The following NAALADL2 variants were observed in gnomAD, a reference collection of about 807,000 sequenced individuals.
NAALADL2 encodes the protein N-acetylated alpha-linked acidic dipeptidase like 2.
Under a neutral mutation model 87.2 loss-of-function variants are expected in NAALADL2, and 76 were observed. The observed-to-expected ratio is 0.87, with a 90% CI of 0.72 to 1.05. NAALADL2 has a LOEUF of 1.05. Ranked by LOEUF, NAALADL2 falls within the 50% of genes least tolerant of loss-of-function variation. NAALADL2 has a pLI of 0.00. For missense variants in NAALADL2, 1,089 were observed against 945.8 expected, an observed-to-expected ratio of 1.15 and a Z score of -1.99; for synonymous variants, 354 against 331.0, an observed-to-expected ratio of 1.07 and a Z score of -0.75.
At chr3:175,731,021 C>A (rs976221601) in intron 11 of NAALADL2, among the ~76,000 whole-genome samples, 1 of 152,028 alleles carries the variant, frequency 6.6e-6, no homozygotes, top group African/African-American at 2.4e-5. Flanking sequence ...TTTTTTTCTT[C>A]ACCAGGAAAC....
chr3:174,640,593 T>A (rs1723077139), intron 2 of NAALADL2, among the ~76,000 whole-genome samples: 1 of 152,218 alleles, frequency 6.6e-6, no homozygotes, highest in Non-Finnish European at 1.5e-5. Context: ...GGTAAGGTAC[T>A]TGCCCCAGGG....
At chr3:175,646,853 C>G (rs759046081) in intron 11 of NAALADL2, among the ~76,000 whole-genome samples, 20 of 151,980 alleles carry the variant, frequency 1.3e-4, no homozygotes, top group Non-Finnish European at 1.8e-4. Context: ...ATATCTTTAT[C>G]CAGCCGAGTG....
At chr3:175,325,635 T>C (rs1760615660) in intron 5 of NAALADL2, among the ~76,000 whole-genome samples, 1 of 152,178 alleles carries the variant, frequency 6.6e-6, no homozygotes, top group Admixed American at 6.5e-5. Context: ...TGCTCTAACC[T>C]AAGTTGGTAA....
chr3:174,540,309 G>A (rs1357000798), intron 1 of NAALADL2, among the ~76,000 whole-genome samples: 1 of 152,188 alleles, frequency 6.6e-6, no homozygotes, highest in Non-Finnish European at 1.5e-5. Context: ...GTAACTGTAT[G>A]CAGCAGAGAC....
intron 2 of NAALADL2, among the ~76,000 whole-genome samples, chr3:175,148,789 C>G (rs1171745336): frequency 6.6e-6 from 1 of 151,976 alleles, no homozygotes; most frequent in Non-Finnish European, 1.5e-5. Context: ...GTATTTGGTT[C>G]CATTGGTCTA....
intron 2 of NAALADL2, among the ~76,000 whole-genome samples, chr3:174,611,150 C>A (rs950519412): frequency 8.4e-6 from 1 of 119,296 alleles, no homozygotes; most frequent in Non-Finnish European, 1.6e-5. Flanking sequence ...GAACATCATA[C>A]TCTGGGGACT....
chr3:174,942,844 C>T (rs148673185), intron 1 of NAALADL2, among the ~76,000 whole-genome samples: 1,825 of 152,222 alleles, frequency 0.012, 40 homozygotes, highest in African/African-American at 0.042. Context: ...CTTGTGATTG[C>T]ATTGTGAAAT....
At chr3:174,950,912 A>T (rs1209258139) in intron 1 of NAALADL2, among the ~76,000 whole-genome samples, 1 of 152,076 alleles carries the variant, frequency 6.6e-6, no homozygotes, top group East Asian at 1.9e-4. Context: ...CTCTTTATTC[A>T]TCTATGTATC....
At chr3:174,850,702 A>G (rs909768464) in intron 3 of NAALADL2, among the ~76,000 whole-genome samples, 2 of 152,164 alleles carry the variant, frequency 1.3e-5, no homozygotes, top group South Asian at 2.1e-4. Flanking sequence ...AGCACTGGAC[A>G]TATCACCCAG....
At chr3:175,567,379 A>AT (rs146216483) in intron 9 of NAALADL2, among the ~76,000 whole-genome samples, 17,139 of 149,986 alleles carry the variant, frequency 0.11, 1,155 homozygotes, top group Middle Eastern at 0.18. Flanking sequence ...GTATTTCTCT[A>AT]TTTTTTTTTT....
intron 2 of NAALADL2, among the ~76,000 whole-genome samples, chr3:175,140,957 C>A (rs1729903510): frequency 6.6e-6 from 1 of 152,046 alleles, no homozygotes; most frequent in African/African-American, 2.4e-5. Flanking sequence ...AGGTAGATTT[C>A]CACAGAGTGG....
At chr3:175,621,190 C>A (rs1299433829) in intron 10 of NAALADL2, among the ~76,000 whole-genome samples, 1 of 152,110 alleles carries the variant, frequency 6.6e-6, no homozygotes, top group African/African-American at 2.4e-5. Context: ...CACTGGGGAC[C>A]CGTTCCTGTC....
intron 9 of NAALADL2, among the ~76,000 whole-genome samples, chr3:175,494,936 G>A (rs886253446): frequency 6.6e-6 from 1 of 151,404 alleles, no homozygotes; most frequent in African/African-American, 2.4e-5. Context: ...TTCAAGATTT[G>A]CAGTATTTTC....
intron 5 of NAALADL2, among the ~76,000 whole-genome samples, chr3:175,366,793 C>T (rs1765647769): frequency 6.6e-6 from 1 of 151,492 alleles, no homozygotes; most frequent in Non-Finnish European, 1.5e-5. Flanking sequence ...CGAAAATTTT[C>T]TCCCATTTTG....
intron 1 of NAALADL2, among the ~76,000 whole-genome samples, chr3:175,007,983 T>A (rs1006908191): frequency 6.6e-6 from 1 of 152,116 alleles, no homozygotes; most frequent in African/African-American, 2.4e-5. Context: ...ATATACAATG[T>A]AGATACATTG....
chr3:175,729,054 G>A (rs1163858997), intron 11 of NAALADL2, among the ~76,000 whole-genome samples: 2 of 152,066 alleles, frequency 1.3e-5, no homozygotes, highest in Non-Finnish European at 2.9e-5. Flanking sequence ...GTATGGTGTC[G>A]TTATGTGGTT....
At chr3:175,755,537 TACTCATTTGAGGAACTTCCC>T in intron 13 of NAALADL2, 119 bp downstream of exon 13, 1 of 680,604 alleles carries the variant, frequency 1.5e-6, no homozygotes, top group Non-Finnish European at 2.2e-6. Flanking sequence ...ATAAAGCAGT[TACTCATTTGAGGAACTTCCC>T]CCTCCCCCAA....
chr3:174,841,181 T>C (rs1465887587), intron 3 of NAALADL2, among the ~76,000 whole-genome samples: 1 of 152,194 alleles, frequency 6.6e-6, no homozygotes, highest in Non-Finnish European at 1.5e-5. Flanking sequence ...AGTTAATTTG[T>C]TGTTGGAACC....
intron 7 of NAALADL2, among the ~76,000 whole-genome samples, 178 bp downstream of exon 7, chr3:175,463,671 G>A (rs549158056): frequency 2.8e-5 from 4 of 145,038 alleles, no homozygotes; most frequent in Admixed American, 1.4e-4. Flanking sequence ...CTTTCCTACC[G>A]TATCTCTTCT....
Sources: allele counts gnomAD v4.1 joint callset (sites outside exome capture counted in the v4.1 genomes callset), GRCh38; gene constraint gnomAD v4.1.1; transcripts MANE v1.5; gene names NCBI Gene and HGNC (gene_info 2026-07-23, HGNC 2026-07-21).